The following TENM3 variants were observed in gnomAD, a reference collection of about 807,000 sequenced individuals.
TENM3 encodes the protein teneurin-3.
TENM3 carries 63 observed loss-of-function variants against 255.1 expected under a neutral mutation model. That is an observed-to-expected ratio of 0.25 (90% CI 0.20 to 0.30). The LOEUF (loss-of-function observed/expected upper bound fraction) is 0.30, where lower values mean the gene tolerates loss of function less well. Ranked by LOEUF, TENM3 falls within the 10% of genes least tolerant of loss-of-function variation. The probability of loss-of-function intolerance (pLI) is 1.00; values close to 1 mark genes in which losing one functional copy is unlikely to be tolerated. For synonymous variants in TENM3, 1,306 were observed against 1,322.3 expected, an observed-to-expected ratio of 0.99 and a Z score of 0.27; for missense variants, 2,929 against 3,461.1, an observed-to-expected ratio of 0.85 and a Z score of 3.86.
At chr4:182,405,359 C>T (rs7666497) in intron 3 of TENM3, among the ~76,000 whole-genome samples, 64,049 of 152,018 alleles carry the variant, frequency 0.42, 14,175 homozygotes, top group Admixed American at 0.59. Context: ...TTACCTCTCT[C>T]GTCACTTTTC....
chr4:181,675,111 C>CT, the TENM3 span, among the ~76,000 whole-genome samples: 8 of 152,070 alleles, frequency 5.3e-5, no homozygotes, highest in African/African-American at 1.7e-4. Context: ...CTGATACACA[C>CT]GCCTGAATCC....
At chr4:182,462,689 C>T (rs1345416576) in intron 3 of TENM3, among the ~76,000 whole-genome samples, 1 of 151,846 alleles carries the variant, frequency 6.6e-6, no homozygotes, top group Non-Finnish European at 1.5e-5. Flanking sequence ...GAGTTGGCGA[C>T]CAGGCTGGCC....
the TENM3 span, among the ~76,000 whole-genome samples, chr4:182,118,145 A>G: frequency 2.6e-5 from 4 of 152,062 alleles, no homozygotes; most frequent in Non-Finnish European, 5.9e-5. Context: ...AATTATGATG[A>G]TTATCATTAA....
the TENM3 span, among the ~76,000 whole-genome samples, chr4:181,917,456 C>T: frequency 1.3e-5 from 2 of 152,036 alleles, no homozygotes; most frequent in Non-Finnish European, 2.9e-5. Context: ...TGTAATTGCT[C>T]TTTTTCTCAT....
the TENM3 span, among the ~76,000 whole-genome samples, chr4:182,130,803 T>C: frequency 6.6e-6 from 1 of 152,064 alleles, no homozygotes; most frequent in Non-Finnish European, 1.5e-5. Flanking sequence ...TTATTTTGAA[T>C]TTTTCCTACG....
At chr4:181,968,999 C>T in the TENM3 span, among the ~76,000 whole-genome samples, 69,761 of 133,736 alleles carry the variant, frequency 0.52, 17,041 homozygotes, top group African/African-American at 0.65. Flanking sequence ...TCTCTATATA[C>T]ATATATATGT....
the TENM3 span, among the ~76,000 whole-genome samples, chr4:182,124,539 A>G: frequency 6.6e-6 from 1 of 152,252 alleles, no homozygotes; most frequent in African/African-American, 2.4e-5. Flanking sequence ...AGAAAGATTA[A>G]GAAAGAACAA....
chr4:182,286,597 G>A (rs1192790095), intron 1 of TENM3, among the ~76,000 whole-genome samples: 2 of 152,152 alleles, frequency 1.3e-5, no homozygotes, highest in East Asian at 3.9e-4. Flanking sequence ...AGCAGGCCTA[G>A]CTCTTGACAA....
At chr4:182,566,395 T>C (rs1743797380) in intron 3 of TENM3, among the ~76,000 whole-genome samples, 1 of 152,210 alleles carries the variant, frequency 6.6e-6, no homozygotes, top group Admixed American at 6.5e-5. Context: ...TGATTGTTTT[T>C]GTAAACATGG....
At chr4:181,904,659 C>G in the TENM3 span, among the ~76,000 whole-genome samples, 1 of 152,180 alleles carries the variant, frequency 6.6e-6, no homozygotes, top group Non-Finnish European at 1.5e-5. Flanking sequence ...ACTCTGTCCT[C>G]GCTGCCAGCC....
the TENM3 span, among the ~76,000 whole-genome samples, chr4:182,109,502 A>C: frequency 6.6e-6 from 1 of 152,196 alleles, no homozygotes; most frequent in Non-Finnish European, 1.5e-5. Flanking sequence ...CTATGAAAGA[A>C]AATTAATTAA....
At chr4:182,228,117 A>G (rs1756300391) in intron 1 of TENM3, among the ~76,000 whole-genome samples, 1 of 152,054 alleles carries the variant, frequency 6.6e-6, no homozygotes, top group South Asian at 2.1e-4. Flanking sequence ...CTAAGGATAC[A>G]AAGTAGCACA....
At chr4:182,448,644 C>A (rs1315923157) in intron 3 of TENM3, among the ~76,000 whole-genome samples, 1 of 151,878 alleles carries the variant, frequency 6.6e-6, no homozygotes, top group South Asian at 2.1e-4. Flanking sequence ...GGAACACGGC[C>A]GCTGCCCGGG....
the TENM3 span, among the ~76,000 whole-genome samples, chr4:181,612,410 C>T: frequency 2.0e-5 from 3 of 152,006 alleles, no homozygotes; most frequent in Non-Finnish European, 4.4e-5. Context: ...AGGTACAGAA[C>T]ATGGTAAGTT....
the TENM3 span, chr4:181,980,467 G>A: frequency 6.6e-6 from 1 of 152,082 alleles, no homozygotes; most frequent in Non-Finnish European, 1.5e-5. Flanking sequence ...TCTGCTTTTG[G>A]GGGAAGGTCA....
At chr4:182,440,538 C>G (rs557076087) in intron 3 of TENM3, among the ~76,000 whole-genome samples, 1 of 152,226 alleles carries the variant, frequency 6.6e-6, no homozygotes, top group South Asian at 2.1e-4. Context: ...AGATCTACAG[C>G]CTGATGACTC....
rs764575984 is a variant in TENM3 at position 182,793,010 on chromosome 4, C to T, written c.6338C>T (p.Thr2113Ile). ...TIQYDNMGRV[T>I]KREIKIGPFA... ...CAGTATGATAACATGGGTCGGGTAACCAAGAGAGAGATTAAAATAGGGCCC... is the reference window on the plus strand; with the variant it reads ...CAGTATGATAACATGGGTCGGGTAATCAAGAGAGAGATTAAAATAGGGCCC... Residue 2113 changes from threonine (T) to isoleucine (I), a missense_variant, in exon 26 of 28, where the codon ACC becomes ATC. Thr to Ile is a moderately conservative substitution (Grantham distance 89). This residue lies in a region of TENM3 where 256 missense variants were observed against 389.3 expected (regional missense o/e 0.66). Coordinates refer to ENST00000511685, the MANE Select transcript of TENM3 (RefSeq NM_001080477.4). This position sits in a 1 kb window ranked among gnomAD's most constrained non-coding sequence, Gnocchi z 5.7. The T allele has an allele frequency of 3.7e-6, 6 of 1,613,626 alleles. No homozygotes were observed. Among genetic ancestry groups the T allele is most frequent in the Admixed American group, 3.3e-5 (2 of 59,980 alleles).
chr4:182,258,093 A>G (rs1412657971), intron 1 of TENM3, among the ~76,000 whole-genome samples: 1 of 152,164 alleles, frequency 6.6e-6, no homozygotes, highest in Non-Finnish European at 1.5e-5. Flanking sequence ...CATAAAATAT[A>G]TAGTGTAGAA....
intron 17 of TENM3, among the ~76,000 whole-genome samples, chr4:182,737,454 A>C (rs1369418978): frequency 6.6e-6 from 1 of 152,136 alleles, no homozygotes; most frequent in Non-Finnish European, 1.5e-5. Context: ...TTCTGTGTCT[A>C]ACACTAATGT....
Sources: gnomAD v4.1 joint callset for allele counts (sites outside exome capture counted in the v4.1 genomes callset) on GRCh38, gnomAD v4.1.1 for gene constraint, gnomAD v4.1.1 regional missense constraint, Gnocchi (gnomAD v3.1) non-coding constraint, MANE v1.5 for transcripts, NCBI Gene and HGNC (gene_info 2026-07-23, HGNC 2026-07-21) for gene names.